KTN1: variants seen among roughly 807,000 people sequenced by gnomAD.
The protein encoded by KTN1 is kinectin 1, also known as kinectin.
A neutral mutation model predicts 222.5 loss-of-function variants in KTN1; 130 were observed. The observed-to-expected ratio is 0.58, with a 90% CI of 0.51 to 0.68. The LOEUF is 0.68. Among genes scored for constraint, KTN1 ranks in the 30% least tolerant of loss-of-function variants. The pLI is 0.00. For synonymous variants in KTN1, 512 were observed against 496.3 expected, an observed-to-expected ratio of 1.03 and a Z score of -0.42; for missense variants, 1,508 against 1,500.4, an observed-to-expected ratio of 1.01 and a Z score of -0.08.
At chr14:55,663,727 G>T in intron 32 of KTN1, 1 of 411,254 alleles carries the variant, frequency 2.4e-6, no homozygotes, top group East Asian at 4.2e-5. Flanking sequence ...TATTTTAAAA[G>T]CTGGCCTATT....
chr14:55,590,864 C>T (rs8011252), intron 1 of KTN1, among the ~76,000 whole-genome samples: 54,608 of 151,636 alleles, frequency 0.36, 9,889 homozygotes, highest in South Asian at 0.4. Flanking sequence ...TTAGTAGAGA[C>T]GGGGTTTCAC....
chr14:55,620,922 T>A (rs760800083), intron 5 of KTN1, among the ~76,000 whole-genome samples: 2 of 152,216 alleles, frequency 1.3e-5, no homozygotes, highest in Non-Finnish European at 2.9e-5. Context: ...TTCTATGGCA[T>A]CATCAGGCTG....
chr14:55,613,128 C>T (rs1429596465), intron 2 of KTN1, among the ~76,000 whole-genome samples: 1 of 152,134 alleles, frequency 6.6e-6, no homozygotes, highest in Non-Finnish European at 1.5e-5. Flanking sequence ...GGTATTAGGG[C>T]TACAGAGATG....
intron 1 of KTN1, among the ~76,000 whole-genome samples, chr14:55,593,445 C>CAAAA (rs200975637): frequency 7.2e-6 from 1 of 139,606 alleles, no homozygotes; most frequent in Non-Finnish European, 1.5e-5. Flanking sequence ...CACCCCCCCC[C>CAAAA]CAAAAAAAAA....
intron 41 of KTN1, among the ~76,000 whole-genome samples, chr14:55,677,613 A>T (rs532831608): frequency 6.6e-6 from 1 of 152,332 alleles, no homozygotes; most frequent in African/African-American, 2.4e-5. Context: ...CTAGGGGTGG[A>T]CAAATCCCAA....
Position 55,612,009 on chromosome 14 carries a change from C to A in KTN1, c.-30-10C>A. 4 of 1,127,080 alleles carry A rather than the reference C, an allele frequency of 3.5e-6. No homozygotes were observed. The highest frequency in any genetic ancestry group is 4.7e-6 in the Non-Finnish European group (4 of 847,158). 69.8% of individuals were successfully genotyped at this position (1,127,080 alleles called of 1,614,324 possible). A position where few individuals can be genotyped will look rare whatever the true frequency, so the allele number is the denominator to read the frequency against. On this transcript the variant is annotated splice_polypyrimidine_tract_variant and intron_variant, in intron 1 of 43. Transcript: ENST00000395314. The stretch of plus-strand genomic sequence containing the variant: ...TTTTTTTTTTTGTCCCCACCTTCTT[C>A]CCTATTTAGGTTTTATAGGATCACA...
chr14:55,611,996 T>TTG, intron 1 of KTN1, 23 bp from the exon 2 acceptor site: 1 of 1,020,766 alleles, frequency 9.8e-7, no homozygotes. Flanking sequence ...TTTTTTTTTG[T>TTG]CCCCACCTTC....
intron 40 of KTN1, chr14:55,673,500 T>G: frequency 3.2e-6 from 1 of 308,598 alleles, no homozygotes; most frequent in Non-Finnish European, 5.9e-6. Context: ...TTTTCAAAAT[T>G]TTCCATGTTT....
intron 6 of KTN1, 145 bp downstream of exon 6, chr14:55,628,173 A>C (rs978612472): frequency 1.7e-6 from 1 of 598,166 alleles, no homozygotes; most frequent in Non-Finnish European, 3.0e-6. Context: ...GGGAGGGTAG[A>C]TAGAGCTGTC....
In KTN1 at chr14:55,580,345, G is replaced by C. The variant is rs1372263072; in HGVS notation, c.-40G>C. On this transcript the variant is annotated 5_prime_UTR_variant, in exon 1 of 44. Transcript: ENST00000395314. The stretch of plus-strand genomic sequence containing the variant: ...CGCGTCTTCCCGGTCTCCTTTCCCG[G>C]CCGCACAGGGTGAGGGAGAGCAGGC... The C allele has an allele frequency of 2.7e-5, 4 of 147,902 alleles. No homozygotes were observed. Among genetic ancestry groups the C allele is most frequent in the Admixed American group, 2.7e-4 (4 of 14,798 alleles). The allele number at this position is 147,902 out of a possible 1,614,324, so 9.2% of individuals were successfully genotyped here. A position where few individuals can be genotyped will look rare whatever the true frequency, so the allele number is the denominator to read the frequency against.
chr14:55,682,695 G>T (rs2046475403), intron 43 of KTN1: 2 of 152,176 alleles, frequency 1.3e-5, no homozygotes, highest in African/African-American at 4.8e-5. Context: ...TCTATAACTT[G>T]TCCAAGGTCA....
At chr14:55,580,591 C>T (rs1436301334) in intron 1 of KTN1, among the ~76,000 whole-genome samples, 3 of 151,596 alleles carry the variant, frequency 2.0e-5, no homozygotes, top group Admixed American at 1.3e-4. Context: ...CTCGGCCTCG[C>T]GGGGCCGCTC....
chr14:55,662,403 A>G (rs555019598), intron 32 of KTN1, among the ~76,000 whole-genome samples: 1 of 152,216 alleles, frequency 6.6e-6, no homozygotes, highest in Admixed American at 6.5e-5. Context: ...AGGTGGTTCA[A>G]ATTTTGGTAA....
Position 55,640,447 on chromosome 14 carries a change from ATC to A in KTN1, c.1983+7_1983+8del. 3.1e-6 allele frequency: 5 copies of A among 1,592,814 alleles called. No individual in the cohort carries two copies. The highest frequency in any genetic ancestry group is 4.3e-6 in the Non-Finnish European group (5 of 1,167,454). On this transcript the variant is annotated splice_donor_region_variant and intron_variant, in intron 15 of 43. Transcript: ENST00000395314. Reference sequence around the variant, plus strand: ...CAGGCCCTGGCAAATGAGCAGGTAGATCTTTATTGCTTTTGAGCATTGATCTC... The same window carrying A: ...CAGGCCCTGGCAAATGAGCAGGTAGATTTATTGCTTTTGAGCATTGATCTC...
intron 25 of KTN1, 56 bp downstream of exon 25, chr14:55,651,983 A>T (rs1371472767): frequency 2.8e-6 from 3 of 1,083,266 alleles, no homozygotes; most frequent in Non-Finnish European, 2.7e-6. Flanking sequence ...AGTTAAATAG[A>T]AGTATAATGA....
intron 7 of KTN1, among the ~76,000 whole-genome samples, 190 bp from the exon 8 acceptor site, chr14:55,633,044 GT>G (rs1328299436): frequency 6.6e-6 from 1 of 152,116 alleles, no homozygotes; most frequent in Non-Finnish European, 1.5e-5. Flanking sequence ...TGTGGTGACA[GT>G]TTGTATTTGA....
intron 1 of KTN1, among the ~76,000 whole-genome samples, chr14:55,597,161 CTG>C (rs1165640735): frequency 1.3e-5 from 2 of 152,098 alleles, no homozygotes; most frequent in Admixed American, 6.5e-5. Context: ...GCGTTGGACT[CTG>C]TGTTGGGCTC....
rs10483645 is a variant in KTN1 at position 55,637,048 on chromosome 14, G to A, written c.1550-150G>A. The A allele has an allele frequency of 7.9e-5, 41 of 517,160 alleles. 1 individual carries two copies. Among genetic ancestry groups the A allele is most frequent in the African/African-American group, 6.6e-4 (34 of 51,576 alleles). 32.0% of individuals were successfully genotyped at this position (517,160 alleles called of 1,614,324 possible). ...TACTACTCCCTTTCTCCCATGAAACGCAAGTATAGCCTGCTACAGGAGCAT... is the reference window on the plus strand; with the variant it reads ...TACTACTCCCTTTCTCCCATGAAACACAAGTATAGCCTGCTACAGGAGCAT... On this transcript the variant is annotated intron_variant, in intron 10 of 43. Coordinates refer to ENST00000395314, the MANE Select transcript of KTN1 (RefSeq NM_001079521.2).
intron 1 of KTN1, among the ~76,000 whole-genome samples, chr14:55,606,148 T>A (rs1448424724): frequency 6.6e-6 from 1 of 152,162 alleles, no homozygotes; most frequent in Non-Finnish European, 1.5e-5. Context: ...GCTTTCAGCT[T>A]AGGCCTCACA....
Sources: gnomAD v4.1 joint callset for allele counts (sites outside exome capture counted in the v4.1 genomes callset) on GRCh38, gnomAD v4.1.1 for gene constraint, MANE v1.5 for transcripts, NCBI Gene and HGNC (gene_info 2026-07-23, HGNC 2026-07-21) for gene names.